PLEKHG1: variants seen among roughly 807,000 people sequenced by gnomAD.
The protein encoded by PLEKHG1 is pleckstrin homology and RhoGEF domain containing G1, also known as pleckstrin homology domain-containing family G member 1.
A neutral mutation model predicts 100.8 loss-of-function variants in PLEKHG1; 44 were observed. That is an observed-to-expected ratio of 0.44 (90% confidence interval 0.34 to 0.56). The LOEUF (loss-of-function observed/expected upper bound fraction) is 0.56, where lower values mean the gene tolerates loss of function less well. PLEKHG1 is among the 20% of genes least tolerant of loss of function. The pLI is 0.01. For synonymous variants in PLEKHG1, 640 were observed against 662.5 expected, an observed-to-expected ratio of 0.97 and a Z score of 0.52; for missense variants, 1,545 against 1,720.9, an observed-to-expected ratio of 0.90 and a Z score of 1.81.
chr6:150,714,468 A>G (rs1781349345), intron 3 of PLEKHG1, among the ~76,000 whole-genome samples: 1 of 152,206 alleles, frequency 6.6e-6, no homozygotes, highest in Admixed American at 6.5e-5. Context: ...AGTTCATGTC[A>G]TGGCCGACTG....
At chr6:150,733,561 T>C in intron 1 of PLEKHG1, 23 bp from the exon 3 acceptor site, 1 of 1,564,926 alleles carries the variant, frequency 6.4e-7, no homozygotes. Context: ...TCTTGTCCTT[T>C]TTATTTTCTT....
chr6:150,737,457 A>G (rs1035226210), intron 2 of PLEKHG1, among the ~76,000 whole-genome samples: 1 of 151,068 alleles, frequency 6.6e-6, no homozygotes, highest in Non-Finnish European at 1.5e-5. Context: ...GCCCCCGGCT[A>G]ATTTTTTTGT....
At chr6:150,648,580 A>G (rs953974419) in intron 2 of PLEKHG1, among the ~76,000 whole-genome samples, 8 of 152,146 alleles carry the variant, frequency 5.3e-5, no homozygotes, top group African/African-American at 1.9e-4. Flanking sequence ...TATACTAGAA[A>G]TTGAGTTTTC....
At chr6:150,827,704 A>G (rs1402313230) in intron 14 of PLEKHG1, 5 of 1,140,996 alleles carry the variant, frequency 4.4e-6, no homozygotes, top group Non-Finnish European at 6.7e-6. Context: ...ATGACATCTT[A>G]CGCAAAAAGG....
intron 3 of PLEKHG1, among the ~76,000 whole-genome samples, chr6:150,665,301 T>A (rs539323985): frequency 1.3e-4 from 20 of 152,190 alleles, no homozygotes; most frequent in African/African-American, 4.3e-4. Context: ...ATAGAAAAAA[T>A]AGAACTTTTC....
At chr6:150,705,405 A>T (rs1367006469) in intron 3 of PLEKHG1, among the ~76,000 whole-genome samples, 7 of 152,252 alleles carry the variant, frequency 4.6e-5, no homozygotes, top group African/African-American at 1.4e-4. Flanking sequence ...GTTCTCTGAC[A>T]CTGTCTTTGT....
At chr6:150,804,435 CTGG>C (rs1253323423) in intron 6 of PLEKHG1, among the ~76,000 whole-genome samples, 172 bp from the exon 8 acceptor site, 4 of 151,030 alleles carry the variant, frequency 2.6e-5, no homozygotes, top group African/African-American at 9.7e-5. Context: ...ATCCACCCAC[CTGG>C]CCTCCCAAAG....
chr6:150,634,526 G>A (rs1777909645), intron 1 of PLEKHG1, among the ~76,000 whole-genome samples: 1 of 152,156 alleles, frequency 6.6e-6, no homozygotes. Flanking sequence ...AAAGTGCATA[G>A]AGGTCAGAAA....
chr6:150,755,394 T>C (rs1408273046), intron 2 of PLEKHG1, among the ~76,000 whole-genome samples: 1 of 152,204 alleles, frequency 6.6e-6, no homozygotes, highest in Non-Finnish European at 1.5e-5. Context: ...GCACTGGTAT[T>C]GCCAGTGGCA....
intron 1 of PLEKHG1, among the ~76,000 whole-genome samples, chr6:150,611,401 T>C (rs1201455201): frequency 1.3e-5 from 2 of 152,244 alleles, no homozygotes; most frequent in Non-Finnish European, 2.9e-5. Context: ...TGTTAAGTGG[T>C]ACAACAATTG....
intron 15 of PLEKHG1, among the ~76,000 whole-genome samples, chr6:150,836,832 A>G (rs554164889): frequency 2.6e-5 from 4 of 151,782 alleles, no homozygotes; most frequent in African/African-American, 7.2e-5. Flanking sequence ...CAAAAAAAAA[A>G]AAAAGAAAAG....
At chr6:150,778,772 T>C (rs1006886760) in intron 3 of PLEKHG1, among the ~76,000 whole-genome samples, 1 of 152,214 alleles carries the variant, frequency 6.6e-6, no homozygotes, top group Non-Finnish European at 1.5e-5. Flanking sequence ...AACAGCTTCA[T>C]GGGGATGATA....
chr6:150,841,940 T>C (rs1583235134), exon 16 of PLEKHG1: 2 of 152,366 alleles, frequency 1.3e-5, no homozygotes, highest in East Asian at 3.9e-4. Flanking sequence ...GGCAAGAATC[T>C]ATTTCCTAAA....
chr6:150,785,185 C>G (rs570259190), intron 3 of PLEKHG1, among the ~76,000 whole-genome samples: 1 of 152,034 alleles, frequency 6.6e-6, no homozygotes, highest in Non-Finnish European at 1.5e-5. Context: ...CTTCTTAGAG[C>G]AGAAATAGCC....
chr6:150,773,892 A>C (rs1784824036), intron 3 of PLEKHG1, among the ~76,000 whole-genome samples: 1 of 152,226 alleles, frequency 6.6e-6, no homozygotes, highest in African/African-American at 2.4e-5. Flanking sequence ...TCAGATTCAT[A>C]CATGTAACTT....
chr6:150,773,251 C>T (rs773622157), intron 3 of PLEKHG1, among the ~76,000 whole-genome samples: 4 of 152,070 alleles, frequency 2.6e-5, no homozygotes, highest in South Asian at 4.1e-4. Flanking sequence ...GTACTTCTCT[C>T]GGCTGGGTGC....
intron 1 of PLEKHG1, chr6:150,624,872 A>C (rs1317979841): frequency 5.9e-5 from 9 of 152,184 alleles, no homozygotes; most frequent in Non-Finnish European, 1.3e-4. Flanking sequence ...ACAACTAAGT[A>C]TAATGGATAA....
At chr6:150,706,998 C>CTTTTT (rs71014517) in intron 3 of PLEKHG1, among the ~76,000 whole-genome samples, 6 of 51,928 alleles carry the variant, frequency 1.2e-4, no homozygotes, top group African/African-American at 2.3e-4. Flanking sequence ...TTTTCTTTTT[C>CTTTTT]TTTTTTTTTT....
chr6:150,639,375 C>T (rs1778153298), intron 2 of PLEKHG1, among the ~76,000 whole-genome samples: 1 of 152,132 alleles, frequency 6.6e-6, no homozygotes, highest in South Asian at 2.1e-4. Flanking sequence ...TGATGTTCAT[C>T]ATCTGCAACA....
Sources: gnomAD v4.1 joint callset for allele counts (sites outside exome capture counted in the v4.1 genomes callset) on GRCh38, gnomAD v4.1.1 for gene constraint, MANE v1.5 for transcripts, NCBI Gene and HGNC (gene_info 2026-07-23, HGNC 2026-07-21) for gene names.